MARCHF6: variants seen among roughly 807,000 people sequenced by gnomAD.
MARCHF6 encodes the protein E3 ubiquitin-protein ligase MARCHF6.
MARCHF6 carries 31 observed loss-of-function variants against 133.7 expected under a neutral mutation model. The observed-to-expected ratio is 0.23, with a 90% CI of 0.17 to 0.31. The LOEUF (loss-of-function observed/expected upper bound fraction) is 0.31. Among genes scored for constraint, MARCHF6 ranks in the 10% least tolerant of loss-of-function variants. The pLI is 1.00. For synonymous variants in MARCHF6, 395 were observed against 402.5 expected (o/e 0.98, Z 0.22); for missense variants, 723 against 1,121.6 (o/e 0.64, Z 5.08).
At chr5:10,394,687 T>G in intron 8 of MARCHF6, 66 bp from the exon 9 acceptor site, 1 of 1,291,642 alleles carries the variant, frequency 7.7e-7, no homozygotes, top group South Asian at 1.3e-5. Flanking sequence ...ATGAGGCTTT[T>G]CATAAATTAG....
intron 19 of MARCHF6, among the ~76,000 whole-genome samples, chr5:10,412,851 GGT>G (rs1739307774): frequency 1.3e-5 from 2 of 152,182 alleles, no homozygotes; most frequent in Non-Finnish European, 2.9e-5. Flanking sequence ...CTGGAATACA[GGT>G]GTAAGCCACT....
chr5:10,403,819 G>A (rs1005770280), intron 15 of MARCHF6, among the ~76,000 whole-genome samples: 4 of 152,118 alleles, frequency 2.6e-5, no homozygotes, highest in African/African-American at 9.7e-5. Flanking sequence ...GTCACACTTC[G>A]TATATACTTT....
intron 10 of MARCHF6, among the ~76,000 whole-genome samples, chr5:10,400,223 C>G (rs1738440735): frequency 6.6e-6 from 1 of 152,088 alleles, no homozygotes; most frequent in African/African-American, 2.4e-5. Flanking sequence ...TATTGGCTGA[C>G]TTTTCTGAAA....
At chr5:10,368,621 C>T (rs182242149) in intron 1 of MARCHF6, among the ~76,000 whole-genome samples, 168 of 152,126 alleles carry the variant, frequency 1.1e-3, no homozygotes, top group Middle Eastern at 3.4e-3. Context: ...CGTTGGTTGC[C>T]CAGGCTTGAG....
intron 3 of MARCHF6, among the ~76,000 whole-genome samples, chr5:10,381,003 T>G (rs1004092110): frequency 8.5e-5 from 13 of 152,310 alleles, no homozygotes; most frequent in Middle Eastern, 3.4e-3. Flanking sequence ...TTTGTGATAG[T>G]GTTCTTATAA....
Position 10,436,198 on chromosome 5 carries a change from T to C in MARCHF6, c.*2514T>C, listed in dbSNP as rs1740648501. The C allele has an allele frequency of 6.6e-6, 1 of 152,226 alleles. No homozygotes were observed. Among genetic ancestry groups the C allele is most frequent in the Non-Finnish European group, 1.5e-5 (1 of 68,044 alleles). The allele number at this position is 152,226 out of a possible 1,614,324, so 9.4% of individuals were successfully genotyped here. A position where few individuals can be genotyped will look rare whatever the true frequency, so the allele number is the denominator to read the frequency against. On this transcript the variant is annotated 3_prime_UTR_variant, in exon 26 of 26. Coordinates refer to ENST00000274140, the MANE Select transcript of MARCHF6 (RefSeq NM_005885.4). Reference sequence around the variant, plus strand: ...ATCCTACAGAATTTTAAATGAATCTTATCAATGTTTTGTAAACAAACAATA... The same window carrying C: ...ATCCTACAGAATTTTAAATGAATCTCATCAATGTTTTGTAAACAAACAATA...
intron 1 of MARCHF6, among the ~76,000 whole-genome samples, chr5:10,365,503 T>G (rs1337821417): frequency 4.6e-5 from 7 of 151,998 alleles, no homozygotes; most frequent in Admixed American, 3.3e-4. Context: ...TTTCTCCATG[T>G]TGGTCAGGTT....
At chr5:10,390,651 A>G (rs1579566094) in intron 6 of MARCHF6, 151 bp downstream of exon 6, 4 of 781,758 alleles carry the variant, frequency 5.1e-6, no homozygotes, top group Non-Finnish European at 7.9e-6. Flanking sequence ...GGTGAAGATG[A>G]AGAGAGATGT....
chr5:10,380,451 G>A (rs950021704), intron 3 of MARCHF6, among the ~76,000 whole-genome samples: 2 of 152,134 alleles, frequency 1.3e-5, no homozygotes, highest in Middle Eastern at 3.4e-3. Flanking sequence ...GAAATATGTG[G>A]GCTTTTACTT....
chr5:10,420,918 T>G (rs892440672), intron 22 of MARCHF6, among the ~76,000 whole-genome samples: 9 of 152,202 alleles, frequency 5.9e-5, no homozygotes, highest in Admixed American at 1.3e-4. Flanking sequence ...CAGACCAAAT[T>G]CCTGCTTCTT....
intron 1 of MARCHF6, among the ~76,000 whole-genome samples, chr5:10,361,746 A>G (rs1251374673): frequency 6.6e-6 from 1 of 152,028 alleles, no homozygotes; most frequent in Non-Finnish European, 1.5e-5. Context: ...CTTATTTTTT[A>G]TAACTTAACT....
chr5:10,436,176 C>T lies in MARCHF6; in HGVS notation c.*2492C>T, dbSNP rs1421102848. 2.0e-5 allele frequency: 3 copies of T among 152,018 alleles called. No homozygotes were observed. Among genetic ancestry groups the T allele is most frequent in the African/African-American group, 7.2e-5 (3 of 41,394 alleles). 9.4% of individuals were successfully genotyped at this position (152,018 alleles called of 1,614,324 possible). On this transcript the variant is annotated 3_prime_UTR_variant, in exon 26 of 26. Coordinates refer to ENST00000274140, the MANE Select transcript of MARCHF6 (RefSeq NM_005885.4). ...TTCAAAAGGTTAAAAATTCTTAATC[C>T]TACAGAATTTTAAATGAATCTTATC...
At chr5:10,354,062 C>A (rs1280535352) in intron 1 of MARCHF6, 145 bp downstream of exon 1, 1 of 764,780 alleles carries the variant, frequency 1.3e-6, no homozygotes, top group South Asian at 2.8e-5. Flanking sequence ...GCCTCTGGGC[C>A]GGGGAGCGGA....
intron 1 of MARCHF6, among the ~76,000 whole-genome samples, chr5:10,370,092 ATTTTTT>A (rs762064486): frequency 2.8e-4 from 18 of 64,960 alleles, no homozygotes; most frequent in South Asian, 8.2e-4. Flanking sequence ...TCTTACTGTG[ATTTTTT>A]TTTTTTTTTT....
At chr5:10,366,991 T>TTGATATGATA (rs565204833) in intron 1 of MARCHF6, among the ~76,000 whole-genome samples, 5 of 151,954 alleles carry the variant, frequency 3.3e-5, no homozygotes, top group Non-Finnish European at 5.9e-5. Flanking sequence ...GGCATATCCC[T>TTGATATGATA]TGATATGATA....
chr5:10,418,110 G>A (rs1051204287), intron 22 of MARCHF6, among the ~76,000 whole-genome samples: 3 of 152,078 alleles, frequency 2.0e-5, no homozygotes, highest in East Asian at 1.9e-4. Flanking sequence ...TGGGTGCAGC[G>A]GCTTATGCCT....
At chr5:10,394,020 A>T (rs1366882486) in intron 7 of MARCHF6, 62 bp from the exon 8 acceptor site, 4 of 1,038,666 alleles carry the variant, frequency 3.9e-6, no homozygotes, top group African/African-American at 3.3e-5. Flanking sequence ...AGTGCATTCT[A>T]TTTTTTTTAT....
Position 10,402,381 on chromosome 5 carries a change from T to TA in MARCHF6, c.1054-2dup, listed in dbSNP as rs767641058. 89 of 1,613,672 alleles carry TA rather than the reference T, an allele frequency of 5.5e-5. No individual in the cohort carries two copies. The East Asian group carries it at 1.9e-3, about 34-fold the overall frequency. ...TCAGTTTTTCCTTGACCTGATGCTG[T>TA]AGGGCTTGGCAACTCTTGTGAAATT... On this transcript the variant is annotated splice_polypyrimidine_tract_variant and splice_region_variant and intron_variant, in intron 12 of 25. Transcript: ENST00000274140.
intron 1 of MARCHF6, among the ~76,000 whole-genome samples, chr5:10,367,805 C>T (rs1392147793): frequency 1.3e-5 from 2 of 151,966 alleles, no homozygotes; most frequent in African/African-American, 4.8e-5. Flanking sequence ...TTGAGCCAAG[C>T]TCTTTGGTGG....
Sources: allele counts gnomAD v4.1 joint callset (sites outside exome capture counted in the v4.1 genomes callset), GRCh38; gene constraint gnomAD v4.1.1; transcripts MANE v1.5; gene names NCBI Gene and HGNC (gene_info 2026-07-23, HGNC 2026-07-21).